Variants in CAMKMT observed in about 807,000 individuals in gnomAD.
The protein encoded by CAMKMT is CaM KMT.
CAMKMT carries 53 observed loss-of-function variants against 48.0 expected under a neutral mutation model. That is an observed-to-expected ratio of 1.10 (90% CI 0.89 to 1.39). The LOEUF is 1.39. Ranked by LOEUF, CAMKMT falls within the 40% of genes most tolerant of loss-of-function variation. CAMKMT has a pLI of 0.00. For missense variants in CAMKMT, 428 were observed against 402.7 expected (o/e 1.06, Z -0.54); for synonymous variants, 165 against 152.3 (o/e 1.08, Z -0.61).
At chr2:44,654,480 A>G (rs1674259619) in intron 3 of CAMKMT, among the ~76,000 whole-genome samples, 1 of 152,028 alleles carries the variant, frequency 6.6e-6, no homozygotes, top group South Asian at 2.1e-4. Context: ...CTTTTTACAC[A>G]TATTCATGGG....
chr2:44,734,652 G>A (rs1024912377), intron 7 of CAMKMT, among the ~76,000 whole-genome samples: 1 of 152,070 alleles, frequency 6.6e-6, no homozygotes, highest in Non-Finnish European at 1.5e-5. Context: ...GACCTCAAGT[G>A]ATCCACCCCC....
chr2:44,475,428 C>T (rs1488607580), intron 3 of CAMKMT, among the ~76,000 whole-genome samples: 8 of 151,726 alleles, frequency 5.3e-5, no homozygotes, highest in African/African-American at 1.9e-4. Flanking sequence ...AGTGATTCTC[C>T]TGTCTCAGCT....
chr2:44,506,275 AAGG>A (rs919370075), intron 3 of CAMKMT, among the ~76,000 whole-genome samples: 68 of 152,196 alleles, frequency 4.5e-4, no homozygotes, highest in African/African-American at 1.4e-3. Context: ...GTTGAAATTC[AAGG>A]AGAATGAGTT....
intron 3 of CAMKMT, among the ~76,000 whole-genome samples, chr2:44,492,404 A>C (rs1669552624): frequency 6.6e-6 from 1 of 152,178 alleles, no homozygotes; most frequent in Non-Finnish European, 1.5e-5. Flanking sequence ...ACAATATTAA[A>C]CTGTAAAGTT....
chr2:44,632,367 G>A (rs1167449436), intron 3 of CAMKMT, among the ~76,000 whole-genome samples: 1 of 151,874 alleles, frequency 6.6e-6, no homozygotes, highest in East Asian at 1.9e-4. Flanking sequence ...CTTTTCTCTG[G>A]ATAAATTATT....
At chr2:44,601,461 AAAT>A (rs1670986979) in intron 3 of CAMKMT, among the ~76,000 whole-genome samples, 1 of 152,080 alleles carries the variant, frequency 6.6e-6, no homozygotes, top group Non-Finnish European at 1.5e-5. Context: ...TGTCTCAAAA[AAAT>A]AATGATAATT....
Position 44,647,801 on chromosome 2 carries a change from A to G in CAMKMT, c.377-56482A>G, listed in dbSNP as rs868788653. Among the ~76,000 whole-genome samples the G allele has an allele frequency of 1.1e-4, 16 of 149,942 alleles. 1 individual carries two copies. In the South Asian group the frequency reaches 3.3e-3, roughly 31 times the overall value. ...TGGGCGCCTGTAGTCCCAGCTACTC[A>G]GGAGGCTGAGGCAGGAGAATGGTGT... On this transcript the variant is annotated intron_variant, in intron 3 of 10. Transcript: ENST00000378494.
chr2:44,524,257 C>T (rs1426440069), intron 3 of CAMKMT, among the ~76,000 whole-genome samples: 2 of 152,020 alleles, frequency 1.3e-5, no homozygotes, highest in Non-Finnish European at 2.9e-5. Flanking sequence ...GTTTTAAAAC[C>T]ACCACAGGGG....
intron 3 of CAMKMT, among the ~76,000 whole-genome samples, chr2:44,452,764 A>C (rs1667357623): frequency 6.6e-6 from 1 of 151,994 alleles, no homozygotes; most frequent in African/African-American, 2.4e-5. Flanking sequence ...ACTAGTGAAA[A>C]AATTTTACAA....
intron 3 of CAMKMT, among the ~76,000 whole-genome samples, chr2:44,661,080 T>C (rs1004622946): frequency 3.9e-5 from 6 of 152,150 alleles, no homozygotes; most frequent in Admixed American, 3.9e-4. Context: ...TATTTTTATT[T>C]GTGTGTGTTG....
At chr2:44,409,764 A>T (rs930052782) in intron 3 of CAMKMT, among the ~76,000 whole-genome samples, 9 of 152,168 alleles carry the variant, frequency 5.9e-5, no homozygotes, top group Admixed American at 4.6e-4. Flanking sequence ...TTCATATGGA[A>T]AATCACTGTT....
At chr2:44,648,814 C>T (rs561935524) in intron 3 of CAMKMT, among the ~76,000 whole-genome samples, 4 of 152,326 alleles carry the variant, frequency 2.6e-5, no homozygotes, top group African/African-American at 9.6e-5. Context: ...CACCAGCTTT[C>T]TCCCCTAGAC....
intron 2 of CAMKMT, among the ~76,000 whole-genome samples, chr2:44,379,455 A>T (rs1680023656): frequency 6.6e-6 from 1 of 152,146 alleles, no homozygotes; most frequent in South Asian, 2.1e-4. Flanking sequence ...GTCATGTGGT[A>T]TCTCTATGTT....
intron 3 of CAMKMT, among the ~76,000 whole-genome samples, chr2:44,461,048 C>A (rs998846522): frequency 6.6e-6 from 1 of 152,062 alleles, no homozygotes; most frequent in Non-Finnish European, 1.5e-5. Flanking sequence ...TTAAGTAGAG[C>A]CTTCTCCATC....
intron 3 of CAMKMT, among the ~76,000 whole-genome samples, chr2:44,435,482 A>G (rs984036738): frequency 6.6e-6 from 1 of 152,228 alleles, no homozygotes; most frequent in African/African-American, 2.4e-5. Flanking sequence ...TGATGTTCTT[A>G]TCCTTAATTA....
At position 44,525,750 on chromosome 2, in the gene CAMKMT, G is replaced by A. The variant is rs933599352; in HGVS notation, c.376+135445G>A. ...CTGGAAGAGGGTAATTCATTTGTAT[G>A]AGGTCAACAGCTAATAAGTAGCTGA... is the stretch of plus-strand genomic sequence containing the variant. On this transcript the variant is annotated intron_variant, in intron 3 of 10. Transcript: ENST00000378494. 4.6e-5 allele frequency among the ~76,000 whole-genome samples: 7 copies of A among 152,250 alleles called. No homozygotes were observed. In the South Asian group the frequency reaches 6.2e-4, roughly 14 times the overall value.
chr2:44,704,569 G>A (rs1246658007), intron 4 of CAMKMT, among the ~76,000 whole-genome samples: 4 of 151,630 alleles, frequency 2.6e-5, no homozygotes, highest in Admixed American at 6.6e-5. Flanking sequence ...TGCACAGCAA[G>A]GTTTTTGCTA....
intron 8 of CAMKMT, among the ~76,000 whole-genome samples, chr2:44,746,188 TA>T (rs1679910107): frequency 6.6e-6 from 1 of 152,160 alleles, no homozygotes; most frequent in South Asian, 2.1e-4. Context: ...GTTCAAATAT[TA>T]GGTACATGGA....
At chr2:44,559,424 T>A (rs1435671114) in intron 3 of CAMKMT, among the ~76,000 whole-genome samples, 1 of 152,256 alleles carries the variant, frequency 6.6e-6, no homozygotes, top group Non-Finnish European at 1.5e-5. Context: ...TAATGTACAT[T>A]CTTTGCTCTG....
Sources: gnomAD v4.1 joint callset for allele counts (sites outside exome capture counted in the v4.1 genomes callset) on GRCh38, gnomAD v4.1.1 for gene constraint, MANE v1.5 for transcripts, NCBI Gene and HGNC (gene_info 2026-07-23, HGNC 2026-07-21) for gene names.